The following DNAJC25 variants were observed in gnomAD, a reference collection of about 807,000 sequenced individuals.
DNAJC25 encodes the protein dnaJ homolog subfamily C member 25.
Under a neutral mutation model 42.1 loss-of-function variants are expected in DNAJC25, and 26 were observed. The ratio of observed to expected loss-of-function variants is 0.62; its 90% CI spans 0.45 to 0.86. The LOEUF (loss-of-function observed/expected upper bound fraction) is 0.86, where lower values mean the gene tolerates loss of function less well. Ranked by LOEUF, DNAJC25 falls within the 40% of genes least tolerant of loss-of-function variation. DNAJC25 has a pLI of 0.00. For missense variants in DNAJC25, 404 were observed against 459.4 expected (o/e 0.88, Z 1.10); for synonymous variants, 189 against 179.9 (o/e 1.05, Z -0.40).
intron 3 of DNAJC25, 151 bp downstream of exon 3, chr9:111,650,074 C>CAA: frequency 1.4e-6 from 1 of 710,370 alleles, no homozygotes; most frequent in Non-Finnish European, 2.1e-6. Flanking sequence ...AAGTAGGACT[C>CAA]TATTTGGTAG....
intron 1 of DNAJC25, among the ~76,000 whole-genome samples, chr9:111,634,037 T>C (rs1317130864): frequency 2.0e-5 from 3 of 151,824 alleles, no homozygotes; most frequent in Admixed American, 6.6e-5. Flanking sequence ...ATGAGGGGAG[T>C]GTTCTGTAGC....
intron 1 of DNAJC25, among the ~76,000 whole-genome samples, chr9:111,644,850 G>A (rs1420425907): frequency 1.3e-5 from 2 of 152,300 alleles, no homozygotes; most frequent in African/African-American, 4.8e-5. Context: ...ATTTCTTGAG[G>A]TACTCAAAAG....
At chr9:111,633,268 T>C (rs1284253200) in intron 1 of DNAJC25, among the ~76,000 whole-genome samples, 2 of 152,178 alleles carry the variant, frequency 1.3e-5, no homozygotes, top group South Asian at 2.1e-4. Flanking sequence ...TTAGGGATGT[T>C]AATCATGTTA....
At chr9:111,644,166 G>A (rs1830530217) in intron 1 of DNAJC25, among the ~76,000 whole-genome samples, 1 of 152,174 alleles carries the variant, frequency 6.6e-6, no homozygotes, top group South Asian at 2.1e-4. Context: ...TAAATTTGTG[G>A]TGACCCTAAA....
In DNAJC25 at chr9:111,653,201, G is replaced by T. The variant is rs973429181; in HGVS notation, c.1062G>T (p.Arg354=). 6.9e-6 allele frequency: 11 copies of T among 1,583,388 alleles called. No individual in the cohort carries two copies. The Admixed American group carries it at 7.0e-5, about 10-fold the overall frequency. ...RRWMKNEGPG[R]LTFVDD ...GGATGAAGAATGAAGGGCCTGGGCG[G>T]TTAACATTTGTGGATGACTGAAGAT... Residue 354 remains arginine (R), a synonymous_variant, in exon 4 of 4, where the codon CGG becomes CGT. Coordinates refer to ENST00000313525, the MANE Select transcript of DNAJC25 (RefSeq NM_001015882.3).
intron 1 of DNAJC25, among the ~76,000 whole-genome samples, chr9:111,646,151 G>C (rs1345251020): frequency 6.6e-6 from 1 of 152,114 alleles, no homozygotes; most frequent in South Asian, 2.1e-4. Context: ...TTTTATAATA[G>C]TTTTTATCTT....
chr9:111,636,178 G>C (rs1167272671), intron 1 of DNAJC25, among the ~76,000 whole-genome samples: 1 of 152,196 alleles, frequency 6.6e-6, no homozygotes, highest in Non-Finnish European at 1.5e-5. Context: ...CCTTTGAGTT[G>C]ATCAGGAACG....
At position 111,650,299 on chromosome 9, in the gene DNAJC25, T is replaced by TA. The variant is rs34802905; in HGVS notation, c.960+391dup. Among the ~76,000 whole-genome samples, 1,270 of 127,724 alleles carry TA rather than the reference T, an allele frequency of 9.9e-3. 17 individuals carry two copies. Among genetic ancestry groups the TA allele is most frequent in the African/African-American group, 0.029 (1,016 of 34,484 alleles). 83.8% of individuals were successfully genotyped at this position (127,724 alleles called of 152,430 possible). ...TACTGTAAACCTAGCCACAGAGACT[T>TA]AAAAAAAAAAAAAAACAACAGAGTA... On this transcript the variant is annotated intron_variant, in intron 3 of 3. Coordinates refer to ENST00000313525, the MANE Select transcript of DNAJC25 (RefSeq NM_001015882.3).
At chr9:111,647,374 G>A (rs1218959881) in intron 2 of DNAJC25, 115 bp downstream of exon 2, 2 of 1,354,266 alleles carry the variant, frequency 1.5e-6, no homozygotes, top group Admixed American at 2.3e-5. Flanking sequence ...ACTTCTAGTT[G>A]AGATCTGTTT....
chr9:111,642,778 A>AGAAG (rs1937514109), intron 1 of DNAJC25: 1 of 463,692 alleles, frequency 2.2e-6, no homozygotes, highest in African/African-American at 2.0e-5. Flanking sequence ...ACCCTTTAAG[A>AGAAG]GAAGGAAGGA....
In DNAJC25 at chr9:111,653,319, TAA is replaced by T; in HGVS notation, c.*98_*99del. ...GTATCAATTGACTGCTGCTCAGCAG[TAA>T]CTAAAATTCCTCAAGTATTTGATTA... On this transcript the variant is annotated 3_prime_UTR_variant, in exon 4 of 4. Coordinates refer to ENST00000313525, the MANE Select transcript of DNAJC25 (RefSeq NM_001015882.3). 2 of 1,304,880 alleles carry T rather than the reference TAA, an allele frequency of 1.5e-6. No homozygotes were observed. The highest frequency in any genetic ancestry group is 2.0e-6 in the Non-Finnish European group (2 of 1,007,946). 80.8% of individuals were successfully genotyped at this position (1,304,880 alleles called of 1,614,324 possible).
Position 111,654,092 on chromosome 9 carries a change from T to C in DNAJC25, c.*870T>C, listed in dbSNP as rs1372750303. ...GTTCATCTATTATGAAGTCCTTGAGTGGTGAAAAATCCGTTGTACATGAGA... is the reference window on the plus strand; with the variant it reads ...GTTCATCTATTATGAAGTCCTTGAGCGGTGAAAAATCCGTTGTACATGAGA... On this transcript the variant is annotated 3_prime_UTR_variant, in exon 4 of 4. Transcript: ENST00000313525. 2.6e-5 allele frequency: 4 copies of C among 151,948 alleles called. No individual in the cohort carries two copies. Among genetic ancestry groups the C allele is most frequent in the African/African-American group, 9.7e-5 (4 of 41,372 alleles). The allele number at this position is 151,948 out of a possible 1,614,324, so 9.4% of individuals were successfully genotyped here. A position where few individuals can be genotyped will look rare whatever the true frequency, so the allele number is the denominator to read the frequency against.
In DNAJC25 at chr9:111,653,262, T is replaced by C. The variant is rs1248176977; in HGVS notation, c.*40T>C. Reference sequence around the variant, plus strand: ...CTACTATGCCAAACCTTAATTGTGATATTATTTTCATAACTGAATTATTTT... The same window carrying C: ...CTACTATGCCAAACCTTAATTGTGACATTATTTTCATAACTGAATTATTTT... On this transcript the variant is annotated 3_prime_UTR_variant, in exon 4 of 4. Coordinates refer to ENST00000313525, the MANE Select transcript of DNAJC25 (RefSeq NM_001015882.3). 4 of 1,437,390 alleles carry C rather than the reference T, an allele frequency of 2.8e-6. No individual in the cohort carries two copies. The highest frequency in any genetic ancestry group is 5.1e-5 in the East Asian group (2 of 39,358). 89.0% of individuals were successfully genotyped at this position (1,437,390 alleles called of 1,614,324 possible).
In DNAJC25 at chr9:111,647,056, A is replaced by G; in HGVS notation, c.337-51A>G. On this transcript the variant is annotated intron_variant, in intron 1 of 3. Coordinates refer to ENST00000313525, the MANE Select transcript of DNAJC25 (RefSeq NM_001015882.3). The stretch of plus-strand genomic sequence containing the variant: ...ATGTGATTTAACAGATTATAAACTA[A>G]GGCCATTTAATGGACTGTCCTATGA... 2.6e-6 allele frequency: 4 copies of G among 1,539,480 alleles called. No homozygotes were observed. The South Asian group carries it at 5.2e-5, about 20-fold the overall frequency.
chr9:111,647,000 A>G, intron 1 of DNAJC25, 107 bp from the exon 2 acceptor site: 1 of 1,228,582 alleles, frequency 8.1e-7, no homozygotes, highest in African/African-American at 1.6e-5. Context: ...ATTTTTACTC[A>G]GATTAACCTT....
intron 1 of DNAJC25, among the ~76,000 whole-genome samples, chr9:111,640,984 C>CCT (rs2131261112): frequency 9.8e-6 from 1 of 101,704 alleles, no homozygotes; most frequent in Middle Eastern, 5.3e-3. Flanking sequence ...CCAGCCGTGC[C>CCT]GTCCGGGAGG....
rs754354007 is a variant in DNAJC25 at position 111,647,197 on chromosome 9, G to A, written c.427G>A (p.Ala143Thr). Reference protein sequence around the residue: ...HYYHYYSRRLAPKVDVRVVIL... With the variant: ...HYYHYYSRRLTPKVDVRVVIL... ...CTACCACTACTATAGCAGGCGCTTG[G>A]CCCCTAAGGTGGATGTTAGAGTAGT... The change falls in exon 2 of 4, where the codon GCC (alanine) becomes ACC (threonine). Residue 143 changes from alanine (A) to threonine (T), a missense_variant. Physicochemically the swap from Ala to Thr is moderately conservative, Grantham distance 58. Transcript: ENST00000313525. 2 of 1,614,170 alleles carry A rather than the reference G, an allele frequency of 1.2e-6. No homozygotes were observed. Among genetic ancestry groups the A allele is most frequent in the South Asian group, 2.2e-5 (2 of 91,076 alleles).
intron 1 of DNAJC25, among the ~76,000 whole-genome samples, chr9:111,642,082 C>T: frequency 7.7e-6 from 1 of 129,982 alleles, no homozygotes; most frequent in Non-Finnish European, 1.7e-5. Flanking sequence ...AGCCCCTCTG[C>T]CCGGCCACCA....
chr9:111,631,503 G>C lies in DNAJC25; in HGVS notation c.96G>C (p.Leu32=). The C allele has an allele frequency of 1.5e-6, 2 of 1,331,728 alleles. No homozygotes were observed. The highest frequency in any genetic ancestry group is 9.5e-7 in the Non-Finnish European group (1 of 1,047,872). The allele number at this position is 1,331,728 out of a possible 1,614,324, so 82.5% of individuals were successfully genotyped here. A position where few individuals can be genotyped will look rare whatever the true frequency, so the allele number is the denominator to read the frequency against. Residue 32 remains leucine (L), a synonymous_variant, in exon 1 of 4, where the codon CTG becomes CTC. Transcript: ENST00000313525. The stretch of plus-strand genomic sequence containing the variant: ...CGCCCCTGCTGCCGGCGCTGCTGCT[G>C]GTGCGGCCCGCGGGGGCCCTGGTGG... ...LLAPLLPALL[L]VRPAGALVEG... is the part of the protein sequence containing the mutation.
Sources: allele counts gnomAD v4.1 joint callset (sites outside exome capture counted in the v4.1 genomes callset), GRCh38; gene constraint gnomAD v4.1.1; transcripts MANE v1.5; gene names NCBI Gene and HGNC (gene_info 2026-07-23, HGNC 2026-07-21).